Variants in ANKRD52 observed in about 807,000 individuals in gnomAD.
ANKRD52 encodes serine/threonine-protein phosphatase 6 regulatory ankyrin repeat subunit C.
Under a neutral mutation model 116.0 loss-of-function variants are expected in ANKRD52, and 7 were observed. That is an observed-to-expected ratio of 0.06 (90% CI 0.03 to 0.11). The LOEUF (loss-of-function observed/expected upper bound fraction) is 0.11. Among genes scored for constraint, ANKRD52 ranks in the 10% least tolerant of loss-of-function variants. The pLI is 1.00. For synonymous variants in ANKRD52, 528 were observed against 578.1 expected (o/e 0.91, Z 1.24); for missense variants, 839 against 1,408.6 (o/e 0.60, Z 6.47).
Position 56,243,503 on chromosome 12 carries a change from G to A in ANKRD52, c.2981-111C>T. The A allele has an allele frequency of 7.0e-7, 1 of 1,428,876 alleles. No homozygotes were observed. Among genetic ancestry groups the A allele is most frequent in the East Asian group, 2.5e-5 (1 of 40,196 alleles). The allele number at this position is 1,428,876 out of a possible 1,614,324, so 88.5% of individuals were successfully genotyped here. A position where few individuals can be genotyped will look rare whatever the true frequency, so the allele number is the denominator to read the frequency against. ...GGGAGCCAAGGCAGGCAGGTACCCA[G>A]CAGCGGCAGAATCCAAGGGTGACGA... is the stretch of plus-strand genomic sequence containing the variant. On this transcript the variant is annotated intron_variant, in intron 27 of 27. Transcript: ENST00000267116. This position sits in a 1 kb window ranked among gnomAD's most constrained non-coding sequence, Gnocchi z 4.6.
intron 21 of ANKRD52, 75 bp downstream of exon 21, chr12:56,245,302 C>A (rs545534407): frequency 8.1e-6 from 13 of 1,602,786 alleles, no homozygotes; most frequent in South Asian, 3.3e-5. Context: ...CAGGTCCCCC[C>A]CAACAACCCA....
rs969218715 is a variant in ANKRD52, at chr12:56,244,771, G to A, written c.2603C>T (p.Ala868Val). 7.4e-6 allele frequency: 12 copies of A among 1,613,670 alleles called. No individual in the cohort carries two copies. The highest frequency in any genetic ancestry group is 1.0e-5 in the Non-Finnish European group (12 of 1,179,904). The change falls in exon 24 of 28, where the codon GCG becomes GTG. Residue 868 changes from alanine to valine, a missense_variant. Around this residue, in one of 2 missense-constraint regions of ANKRD52, gnomAD observed 552 missense variants for 810.6 expected, o/e 0.68. Coordinates refer to ENST00000267116, the MANE Select transcript of ANKRD52 (RefSeq NM_173595.4). The surrounding 1 kb of genome is among the most constrained non-coding windows in gnomAD (Gnocchi z 4.9). ...GRTPLHAAAF[A>V]DNVSGLRMLL... ...CATCCGGAGCCCAGAGACATTGTCC[G>A]CGAAGGCAGCGGCGTGAAGGGGGGT...
At chr12:56,256,873 A>G in intron 4 of ANKRD52, 142 bp downstream of exon 4, 1 of 859,314 alleles carries the variant, frequency 1.2e-6, no homozygotes, top group Non-Finnish European at 1.8e-6. Flanking sequence ...TAGGGGTAGG[A>G]GGAAGGGGCC....
At position 56,257,862 on chromosome 12, in the gene ANKRD52, G is replaced by A; in HGVS notation, c.77C>T (p.Ser26Phe). Residue 26 changes from serine (S) to phenylalanine (F), a missense_variant, in exon 2 of 28, where the codon TCC (serine) becomes TTC (phenylalanine). Ser to Phe is a radical substitution (Grantham distance 155). Transcript: ENST00000267116. Reference sequence around the variant, plus strand: ...GATGTTCTCCTTCTGCGAGAGTAGGGAACGCACTTCCTCCACATCTCGGCT... The same window carrying A: ...GATGTTCTCCTTCTGCGAGAGTAGGAAACGCACTTCCTCCACATCTCGGCT... ...IFSRDVEEVR[S>F]LLSQKENINV... The A allele has an allele frequency of 6.2e-7, 1 of 1,613,374 alleles. No individual in the cohort carries two copies. Among genetic ancestry groups the A allele is most frequent in the Non-Finnish European group, 8.5e-7 (1 of 1,179,692 alleles).
At position 56,252,297 on chromosome 12, in the gene ANKRD52, T is replaced by G. The variant is rs758334545; in HGVS notation, c.1389A>C (p.Ala463=). The G allele has an allele frequency of 1.9e-6, 3 of 1,613,844 alleles. No individual in the cohort carries two copies. Among genetic ancestry groups the G allele is most frequent in the Non-Finnish European group, 2.5e-6 (3 of 1,179,894 alleles). The change falls in exon 14 of 28, where the codon GCA becomes GCC. Residue 463 remains alanine (A), a synonymous_variant. Coordinates refer to ENST00000267116, the MANE Select transcript of ANKRD52 (RefSeq NM_173595.4). This position sits in a 1 kb window ranked among gnomAD's most constrained non-coding sequence, Gnocchi z 4.7. ...DKFGRTPLHY[A]AANGSYQCAV... is the part of the protein sequence containing the mutation. Reference sequence around the variant, plus strand: ...CACACTGGTAGCTACCGTTAGCAGCTGCATAGTGCAGTGGGGTCCTGGGGA... The same window carrying G: ...CACACTGGTAGCTACCGTTAGCAGCGGCATAGTGCAGTGGGGTCCTGGGGA...
intron 3 of ANKRD52, 58 bp from the exon 4 acceptor site, chr12:56,257,143 C>T (rs1336114851): frequency 6.3e-7 from 1 of 1,581,674 alleles, no homozygotes; most frequent in African/African-American, 1.3e-5. Flanking sequence ...TGAAGGAAGC[C>T]AGTAATCAGG....
chr12:56,250,261 C>T (rs944951092), intron 15 of ANKRD52, among the ~76,000 whole-genome samples: 9 of 151,348 alleles, frequency 5.9e-5, no homozygotes, highest in African/African-American at 2.2e-4. Flanking sequence ...GATGAGTTCT[C>T]ATTATGTGTT....
chr12:56,257,018 GT>G lies in ANKRD52; in HGVS notation c.257del (p.Asn86ThrfsTer15). The G allele has an allele frequency of 6.2e-7, 1 of 1,613,082 alleles. No individual in the cohort carries two copies. Among genetic ancestry groups the G allele is most frequent in the Non-Finnish European group, 8.5e-7 (1 of 1,179,520 alleles). Reference sequence around the variant, plus strand: ...AATAGAAGGTGGGGGTGCATACCTCGTTTCGGGAGGCAGCAGCACGATGAAG... The same window carrying G: ...AATAGAAGGTGGGGGTGCATACCTCGTTCGGGAGGCAGCAGCACGATGAAG... Reference protein sequence around the residue: ...TPLHRAAASRNEKVLGLLLAH... With the variant: ...TPLHRAAASRXEKVLGLLLAH... On this transcript the variant is annotated frameshift_variant, in exon 4 of 28. Transcript: ENST00000267116. LOFTEE classifies it high-confidence loss of function.
Position 56,248,300 on chromosome 12 carries a change from G to T in ANKRD52, c.1777-76C>A. On this transcript the variant is annotated intron_variant, in intron 17 of 27. Transcript: ENST00000267116. The surrounding 1 kb of genome is among the most constrained non-coding windows in gnomAD (Gnocchi z 5.1). Reference sequence around the variant, plus strand: ...CTCCCTTCCCCTTCTCTGCTCTTGGGGTCCCTGGGAAGCTCAAGGTCTTAG... The same window carrying T: ...CTCCCTTCCCCTTCTCTGCTCTTGGTGTCCCTGGGAAGCTCAAGGTCTTAG... 1 of 1,562,586 alleles carries T rather than the reference G, an allele frequency of 6.4e-7. No individual in the cohort carries two copies. The highest frequency in any genetic ancestry group is 8.8e-7 in the Non-Finnish European group (1 of 1,140,894).
chr12:56,253,466 T>C lies in ANKRD52; in HGVS notation c.986-64A>G. ...CAGGCTTAAGACCACTTTCGCGAGCTAGCCATGATTTGAGTGCCTACTATG... is the reference window on the plus strand; with the variant it reads ...CAGGCTTAAGACCACTTTCGCGAGCCAGCCATGATTTGAGTGCCTACTATG... On this transcript the variant is annotated intron_variant, in intron 9 of 27. Transcript: ENST00000267116. The surrounding 1 kb of genome is among the most constrained non-coding windows in gnomAD (Gnocchi z 5.5). 7.7e-7 allele frequency: 1 copy of C among 1,306,992 alleles called. No individual in the cohort carries two copies. The highest frequency in any genetic ancestry group is 1.1e-6 in the Non-Finnish European group (1 of 910,988). The allele number at this position is 1,306,992 out of a possible 1,614,324, so 81.0% of individuals were successfully genotyped here.
In ANKRD52 at chr12:56,241,690, G is replaced by A. The variant is rs930405996; in HGVS notation, c.*1452C>T. On this transcript the variant is annotated 3_prime_UTR_variant, in exon 28 of 28. Coordinates refer to ENST00000267116, the MANE Select transcript of ANKRD52 (RefSeq NM_173595.4). The stretch of plus-strand genomic sequence containing the variant: ...TTGGCCCCTGGCTGAGGTATTGAGT[G>A]TGAGGAAGGGAACACTGGGCTGCAG... 26 of 301,112 alleles carry A rather than the reference G, an allele frequency of 8.6e-5. No homozygotes were observed. In the Admixed American group the frequency reaches 1.3e-3, roughly 15 times the overall value. The allele number at this position is 301,112 out of a possible 1,614,324, so 18.7% of individuals were successfully genotyped here.
Position 56,241,432 on chromosome 12 carries a change from C to T in ANKRD52, c.*1710G>A, listed in dbSNP as rs1052179466. 1 of 151,904 alleles carries T rather than the reference C, an allele frequency of 6.6e-6. No individual in the cohort carries two copies. 9.4% of individuals were successfully genotyped at this position (151,904 alleles called of 1,614,324 possible). A position where few individuals can be genotyped will look rare whatever the true frequency, so the allele number is the denominator to read the frequency against. ...GGACGCCCCCCTCCCCTCAGCCCAC[C>T]CTTGACAAGGGTGGCAAGACATTCA... On this transcript the variant is annotated 3_prime_UTR_variant, in exon 28 of 28. Coordinates refer to ENST00000267116, the MANE Select transcript of ANKRD52 (RefSeq NM_173595.4).
chr12:56,244,236 C>T lies in ANKRD52; in HGVS notation c.2806-103G>A. On this transcript the variant is annotated intron_variant, in intron 25 of 27. Transcript: ENST00000267116. The surrounding 1 kb of genome is among the most constrained non-coding windows in gnomAD (Gnocchi z 4.9). ...ACAGGAGGACAAACAGCTGCCCAAC[C>T]AGTCGGATAGGCTGGACAATCCTCA... 6.5e-7 allele frequency: 1 copy of T among 1,530,152 alleles called. No individual in the cohort carries two copies. Among genetic ancestry groups the T allele is most frequent in the Non-Finnish European group, 9.0e-7 (1 of 1,107,324 alleles). The allele number at this position is 1,530,152 out of a possible 1,614,324, so 94.8% of individuals were successfully genotyped here.
At chr12:56,249,873 G>A (rs1313080100) in intron 15 of ANKRD52, among the ~76,000 whole-genome samples, 1 of 152,108 alleles carries the variant, frequency 6.6e-6, no homozygotes, top group Non-Finnish European at 1.5e-5. Flanking sequence ...AACCCCGTCT[G>A]TACTAAAATA....
At chr12:56,251,877 G>C in intron 15 of ANKRD52, 138 bp downstream of exon 15, 1 of 885,042 alleles carries the variant, frequency 1.1e-6, no homozygotes, top group Non-Finnish European at 1.7e-6. Flanking sequence ...ACACCCAGAG[G>C]GCTCAAGACA....
At position 56,258,353 on chromosome 12, in the gene ANKRD52, G is replaced by T; in HGVS notation, c.-84C>A. ...GGGGACACGGAGCGGCCCAGGCGGCGGCTGCGGTGGCGGCTGCAGGGAGAG... is the reference window on the plus strand; with the variant it reads ...GGGGACACGGAGCGGCCCAGGCGGCTGCTGCGGTGGCGGCTGCAGGGAGAG... On this transcript the variant is annotated 5_prime_UTR_variant, in exon 1 of 28. Transcript: ENST00000267116. The T allele has an allele frequency of 7.3e-7, 1 of 1,364,992 alleles. No individual in the cohort carries two copies. Among genetic ancestry groups the T allele is most frequent in the Non-Finnish European group, 9.5e-7 (1 of 1,057,122 alleles). 84.6% of individuals were successfully genotyped at this position (1,364,992 alleles called of 1,614,324 possible).
At chr12:56,251,965 C>T (rs1276147335) in intron 15 of ANKRD52, 50 bp downstream of exon 15, 3 of 1,583,106 alleles carry the variant, frequency 1.9e-6, no homozygotes, top group African/African-American at 2.7e-5. Flanking sequence ...AGGGCCAGAG[C>T]TTGCATGGGT....
At chr12:56,257,173 C>G (rs1871993558) in intron 3 of ANKRD52, 88 bp from the exon 4 acceptor site, 1 of 1,556,064 alleles carries the variant, frequency 6.4e-7, no homozygotes, top group South Asian at 1.2e-5. Context: ...CTGAATGGAG[C>G]TGGAGCCTCG....
rs1871242105 is a variant in ANKRD52 at position 56,243,186 on chromosome 12, C to G, written c.3187G>C (p.Glu1063Gln). ...PHGASCPYSQ[E>Q]RPGAIGLDGC... ...TCTAACCCAATGGCGCCGGGCCGCT[C>G]CTGGCTGTAGGGGCAGGAGGCCCCA... The change falls in exon 28 of 28, where the codon GAG becomes CAG. Residue 1063 changes from glutamate (E) to glutamine (Q), a missense_variant. By Grantham distance (29) the Glu-to-Gln change is conservative (BLOSUM62 2). This residue lies in a region of ANKRD52 where 552 missense variants were observed against 810.6 expected (regional missense o/e 0.68). Coordinates refer to ENST00000267116, the MANE Select transcript of ANKRD52 (RefSeq NM_173595.4). This position sits in a 1 kb window ranked among gnomAD's most constrained non-coding sequence, Gnocchi z 4.6. 1 of 1,611,708 alleles carries G rather than the reference C, an allele frequency of 6.2e-7. No individual in the cohort carries two copies.
Sources: allele counts gnomAD v4.1 joint callset (sites outside exome capture counted in the v4.1 genomes callset), GRCh38; gene constraint gnomAD v4.1.1; regional missense constraint gnomAD v4.1.1; non-coding constraint Gnocchi (gnomAD v3.1); transcripts MANE v1.5; gene names NCBI Gene and HGNC (gene_info 2026-07-23, HGNC 2026-07-21).